Variants in TDG observed in about 807,000 individuals in gnomAD.
TDG encodes thymine DNA glycosylase, also known as G/T mismatch-specific thymine DNA glycosylase.
TDG carries 23 observed loss-of-function variants against 46.1 expected under a neutral mutation model. The observed-to-expected ratio is 0.50, with a 90% CI of 0.36 to 0.71. TDG has a LOEUF of 0.71. Among genes scored for constraint, TDG ranks in the 30% least tolerant of loss-of-function variants. TDG has a pLI of 0.00. For synonymous variants in TDG, 115 were observed against 161.3 expected, an observed-to-expected ratio of 0.71 and a Z score of 2.18; for missense variants, 304 against 486.7, an observed-to-expected ratio of 0.62 and a Z score of 3.53.
At chr12:103,981,649 T>G (rs984724398) in intron 4 of TDG, among the ~76,000 whole-genome samples, 1 of 152,194 alleles carries the variant, frequency 6.6e-6, no homozygotes, top group African/African-American at 2.4e-5. Context: ...TTCCCAGATT[T>G]CTGGTGATTA....
At chr12:103,966,156 C>G (rs966988051) in intron 1 of TDG, 96 bp downstream of exon 1, 6 of 1,358,814 alleles carry the variant, frequency 4.4e-6, no homozygotes, top group Non-Finnish European at 5.8e-6. Flanking sequence ...TTTTAAATCC[C>G]GGCCGGAATA....
intron 2 of TDG, among the ~76,000 whole-genome samples, chr12:103,978,375 C>T (rs928067649): frequency 3.3e-5 from 5 of 152,078 alleles, no homozygotes; most frequent in African/African-American, 1.2e-4. Context: ...TAATAGGTTC[C>T]AGGGGTGGGA....
intron 4 of TDG, among the ~76,000 whole-genome samples, chr12:103,981,858 T>TA (rs1168264571): frequency 1.2e-4 from 18 of 151,872 alleles, no homozygotes; most frequent in Non-Finnish European, 2.2e-4. Flanking sequence ...AAAAAATAAA[T>TA]AAAAAATTAG....
rs1555275149 is a variant in TDG at position 103,984,852 on chromosome 12, T to C, written c.896T>C (p.Leu299Ser). The change falls in exon 8 of 10, where the codon TTG (leucine) becomes TCG (serine). Residue 299 changes from leucine (L) to serine (S), a missense_variant. Transcript: ENST00000392872. Reference sequence around the variant, plus strand: ...AAACTGAAGGACTTAAGAGATCAGTTGAAAGGCATTGAACGAAATATGGAC... The same window carrying C: ...AAACTGAAGGACTTAAGAGATCAGTCGAAAGGCATTGAACGAAATATGGAC... ...YIKLKDLRDQ[L>S]KGIERNMDVQ... 1 of 1,613,634 alleles carries C rather than the reference T, an allele frequency of 6.2e-7. No homozygotes were observed. Among genetic ancestry groups the C allele is most frequent in the South Asian group, 1.1e-5 (1 of 91,058 alleles).
chr12:103,983,744 C>T (rs1356771065), intron 7 of TDG, among the ~76,000 whole-genome samples: 1 of 152,168 alleles, frequency 6.6e-6, no homozygotes, highest in Non-Finnish European at 1.5e-5. Flanking sequence ...GAAACACAGA[C>T]ATGATCCTGA....
rs759829253 is a variant in TDG, at chr12:103,965,996, G to T, written c.-42G>T. ...GGTACTACAGAGACCGGCTGCCCGTGTGCCCGGCAGGTGGAGCCGCCCGCA... is the reference window on the plus strand; with the variant it reads ...GGTACTACAGAGACCGGCTGCCCGTTTGCCCGGCAGGTGGAGCCGCCCGCA... On this transcript the variant is annotated 5_prime_UTR_variant, in exon 1 of 10. Coordinates refer to ENST00000392872, the MANE Select transcript of TDG (RefSeq NM_003211.6). 20 of 1,587,944 alleles carry T rather than the reference G, an allele frequency of 1.3e-5. No individual in the cohort carries two copies. The Admixed American group carries it at 2.1e-4, about 17-fold the overall frequency.
intron 1 of TDG, chr12:103,972,903 A>G: frequency 1.6e-6 from 1 of 620,262 alleles, no homozygotes; most frequent in Admixed American, 2.8e-5. Context: ...AAATTTTTTT[A>G]AAGTAAAGAA....
At chr12:103,969,671 A>T (rs1163242258) in intron 1 of TDG, among the ~76,000 whole-genome samples, 1 of 152,214 alleles carries the variant, frequency 6.6e-6, no homozygotes, top group East Asian at 1.9e-4. Context: ...CAGAAAAATC[A>T]GTGATAAAGT....
At chr12:103,981,226 C>CTTTTTTTTTTTTT (rs11314473) in intron 4 of TDG, among the ~76,000 whole-genome samples, 1 of 69,412 alleles carries the variant, frequency 1.4e-5, no homozygotes, top group Non-Finnish European at 2.7e-5. Flanking sequence ...AGTTGTACTA[C>CTTTTTTTTTTTTT]TTTTTTTTTT....
rs1396724695 is a variant in TDG, at chr12:103,975,750, C to T, written c.24-1168C>T. Among the ~76,000 whole-genome samples, 3 of 152,138 alleles carry T rather than the reference C, an allele frequency of 2.0e-5. No homozygotes were observed. In the East Asian group the frequency reaches 5.8e-4, roughly 29 times the overall value. The stretch of plus-strand genomic sequence containing the variant: ...AATCTCAGCTCACTTAAACCTCCAC[C>T]TTCCAGGCTCAAACAGTTCTCCTGC... On this transcript the variant is annotated intron_variant, in intron 1 of 9. Transcript: ENST00000392872.
chr12:103,980,121 G>A, intron 3 of TDG, 49 bp downstream of exon 3: 1 of 1,604,820 alleles, frequency 6.2e-7, no homozygotes, highest in Non-Finnish European at 8.5e-7. Context: ...TGGGGGATCA[G>A]CTTTACTTAA....
At chr12:103,984,410 A>G (rs1203818928) in intron 7 of TDG, among the ~76,000 whole-genome samples, 1 of 152,176 alleles carries the variant, frequency 6.6e-6, no homozygotes, top group Non-Finnish European at 1.5e-5. Context: ...CCTGGCCAAC[A>G]TGGTGAAACC....
chr12:103,976,831 T>G (rs1216980411), intron 1 of TDG, 87 bp from the exon 2 acceptor site: 2 of 1,502,852 alleles, frequency 1.3e-6, no homozygotes, highest in African/African-American at 2.8e-5. Context: ...TACTTAATAC[T>G]GTACTGAAGA....
intron 8 of TDG, among the ~76,000 whole-genome samples, chr12:103,985,201 ACACACAC>A (rs1369206090): frequency 1.4e-4 from 20 of 140,004 alleles, no homozygotes; most frequent in African/African-American, 4.7e-4. Flanking sequence ...ACACACACAC[ACACACAC>A]ATTACAGAAA....
chr12:103,972,328 A>T (rs969584814), intron 1 of TDG, among the ~76,000 whole-genome samples: 4 of 152,208 alleles, frequency 2.6e-5, no homozygotes, highest in African/African-American at 9.6e-5. Flanking sequence ...CATGTTGGCC[A>T]GGCCGGTCTC....
At chr12:103,986,905 T>C in intron 9 of TDG, 43 bp from the exon 10 acceptor site, 1 of 1,569,452 alleles carries the variant, frequency 6.4e-7, no homozygotes, top group Non-Finnish European at 8.6e-7. Flanking sequence ...AAAGCAAATA[T>C]TTCTAAATGG....
chr12:103,974,334 C>CAGTGTGATCAT lies in TDG; in HGVS notation c.24-2583_24-2573dup, dbSNP rs572808203. On this transcript the variant is annotated intron_variant, in intron 1 of 9. Coordinates refer to ENST00000392872, the MANE Select transcript of TDG (RefSeq NM_003211.6). ...TTCTGTCCCCCAGGCTGGGGTGCAG[C>CAGTGTGATCAT]AGTGTGATCATCGCTCACTGTAACC... 7.9e-5 allele frequency among the ~76,000 whole-genome samples: 12 copies of CAGTGTGATCAT among 152,218 alleles called. No homozygotes were observed. In the South Asian group the frequency reaches 2.3e-3, roughly 29 times the overall value.
intron 1 of TDG, 42 bp downstream of exon 1, chr12:103,966,102 C>G (rs772111604): frequency 1.3e-6 from 2 of 1,512,984 alleles, no homozygotes; most frequent in African/African-American, 1.4e-5. Flanking sequence ...GCGCCCCTCA[C>G]TGCTGGGCAG....
At position 103,985,672 on chromosome 12, in the gene TDG, C is replaced by T; in HGVS notation, c.1034C>T (p.Ala345Val). Reference protein sequence around the residue: ...DPGYEAAYGGAYGENPCSSEP... With the variant: ...DPGYEAAYGGVYGENPCSSEP... Reference sequence around the variant, plus strand: ...GGTTATGAGGCAGCATATGGTGGTGCTTACGGAGAAAATCCATGCAGCAGT... The same window carrying T: ...GGTTATGAGGCAGCATATGGTGGTGTTTACGGAGAAAATCCATGCAGCAGT... Residue 345 changes from alanine (A) to valine (V), a missense_variant, in exon 9 of 10, where the codon GCT (alanine) becomes GTT (valine). Physicochemically the swap from Ala to Val is moderately conservative, Grantham distance 64. Coordinates refer to ENST00000392872, the MANE Select transcript of TDG (RefSeq NM_003211.6). 5 of 1,614,066 alleles carry T rather than the reference C, an allele frequency of 3.1e-6. No homozygotes were observed. Among genetic ancestry groups the T allele is most frequent in the Non-Finnish European group, 4.2e-6 (5 of 1,179,924 alleles).
Sources: allele counts gnomAD v4.1 joint callset (sites outside exome capture counted in the v4.1 genomes callset), GRCh38; gene constraint gnomAD v4.1.1; transcripts MANE v1.5; gene names NCBI Gene and HGNC (gene_info 2026-07-23, HGNC 2026-07-21).